PPARG: variants seen among roughly 807,000 people sequenced by gnomAD.
PPARG encodes peroxisome proliferator activated receptor gamma.
In PPARG, 17 loss-of-function variants were observed where a neutral mutation model predicts 39.2. That is an observed-to-expected ratio of 0.43 (90% CI 0.30 to 0.65). The LOEUF is 0.65. PPARG is among the 30% of genes least tolerant of loss of function. The probability of loss-of-function intolerance (pLI) is 0.13; values close to 1 mark genes in which losing one functional copy is unlikely to be tolerated. For missense variants in PPARG, 406 were observed against 585.9 expected (o/e 0.69, Z 3.17); for synonymous variants, 223 against 215.7 (o/e 1.03, Z -0.30).
At chr3:12,315,106 T>C (rs13070963) in intron 2 of PPARG, among the ~76,000 whole-genome samples, 38,381 of 152,124 alleles carry the variant, frequency 0.25, 4,955 homozygotes, top group East Asian at 0.33. Flanking sequence ...ACCAATCTCT[T>C]GCTATCCCCA....
intron 5 of PPARG, among the ~76,000 whole-genome samples, chr3:12,396,627 T>G (rs2050270546): frequency 6.6e-6 from 1 of 151,896 alleles, no homozygotes; most frequent in African/African-American, 2.4e-5. Context: ...GCGTGATGGC[T>G]TGTGCCTGTG....
rs1463427925 is a variant in PPARG, at chr3:12,310,811, A to C, written c.-82-1569A>C. 2.7e-3 allele frequency among the ~76,000 whole-genome samples: 406 copies of C among 149,024 alleles called. 3 individuals are homozygous for C. Among genetic ancestry groups the C allele is most frequent in the African/African-American group, 6.8e-3 (277 of 40,598 alleles). On this transcript the variant is annotated intron_variant, in intron 1 of 7. Coordinates refer to ENST00000651735, the MANE Select transcript of PPARG (RefSeq NM_138711.6). The stretch of plus-strand genomic sequence containing the variant: ...AAATGTAAAAAAAAAAAAAAAAAAA[A>C]AAAAAAAAAAAAACCCAAGTGGTAA...
chr3:12,399,260 A>G (rs766850768), intron 5 of PPARG: 7 of 419,556 alleles, frequency 1.7e-5, no homozygotes, highest in Admixed American at 2.9e-5. Context: ...AAATGTTTAA[A>G]TGTCCTCTAC....
At chr3:12,356,832 G>GTAA in intron 2 of PPARG, among the ~76,000 whole-genome samples, 1 of 152,210 alleles carries the variant, frequency 6.6e-6, no homozygotes, top group Admixed American at 6.5e-5. Flanking sequence ...CCAAGAGTAA[G>GTAA]GCCGACCCAC....
intron 2 of PPARG, among the ~76,000 whole-genome samples, chr3:12,341,166 G>A (rs529101759): frequency 6.8e-4 from 97 of 143,542 alleles, no homozygotes; most frequent in African/African-American, 2.5e-3. Context: ...CTGGGCAACA[G>A]AGCGAGACTC....
intron 2 of PPARG, among the ~76,000 whole-genome samples, chr3:12,323,780 C>T (rs2047614092): frequency 6.6e-6 from 1 of 151,562 alleles, no homozygotes; most frequent in Admixed American, 6.6e-5. Context: ...AAGAGTAAGG[C>T]CATTAGAATG....
intron 4 of PPARG, among the ~76,000 whole-genome samples, chr3:12,391,292 T>G (rs1358073546): frequency 6.6e-6 from 1 of 152,058 alleles, no homozygotes; most frequent in Admixed American, 6.6e-5. Flanking sequence ...AAGTAAATTC[T>G]GTGGTGTGTT....
At chr3:12,308,086 C>T (rs1367317205) in intron 1 of PPARG, among the ~76,000 whole-genome samples, 3 of 151,952 alleles carry the variant, frequency 2.0e-5, no homozygotes, top group East Asian at 1.9e-4. Context: ...AATAGGAGGC[C>T]GTGCACAGTG....
intron 2 of PPARG, among the ~76,000 whole-genome samples, chr3:12,325,400 G>A (rs370174438): frequency 2.2e-4 from 34 of 152,144 alleles, no homozygotes; most frequent in African/African-American, 8.2e-4. Flanking sequence ...TAGCCTGGGC[G>A]ACAAGAGCGA....
At chr3:12,408,546 A>G (rs1449670062) in intron 6 of PPARG, among the ~76,000 whole-genome samples, 1 of 148,584 alleles carries the variant, frequency 6.7e-6, no homozygotes, top group African/African-American at 2.5e-5. Flanking sequence ...AGTTTTGGTT[A>G]GTTTTCTTTT....
intron 7 of PPARG, among the ~76,000 whole-genome samples, chr3:12,421,312 A>G (rs973139846): frequency 2.6e-5 from 4 of 152,200 alleles, no homozygotes; most frequent in African/African-American, 9.6e-5. Flanking sequence ...ATGGTAAACA[A>G]TAACTTCCCT....
intron 2 of PPARG, chr3:12,351,523 G>A: frequency 5.1e-6 from 6 of 1,186,918 alleles, no homozygotes; most frequent in African/African-American, 1.5e-5. Flanking sequence ...TTCTTTTAAC[G>A]GATTGATCTT....
chr3:12,368,223 C>T (rs1157484550), intron 2 of PPARG, among the ~76,000 whole-genome samples: 10 of 140,580 alleles, frequency 7.1e-5, no homozygotes, highest in Non-Finnish European at 1.3e-4. Flanking sequence ...TCTCTGTTGC[C>T]CAGGCTGGAG....
At chr3:12,306,869 C>T (rs1400113992) in intron 1 of PPARG, among the ~76,000 whole-genome samples, 1 of 151,956 alleles carries the variant, frequency 6.6e-6, no homozygotes, top group East Asian at 1.9e-4. Context: ...GAGGCCGAGG[C>T]TGGTGGATCA....
chr3:12,406,514 G>A lies in PPARG; in HGVS notation c.729+433G>A, dbSNP rs534621207. On this transcript the variant is annotated intron_variant, in intron 6 of 7. Coordinates refer to ENST00000651735, the MANE Select transcript of PPARG (RefSeq NM_138711.6). ...AATCCCACTATTTCACCTTTCAGGA[G>A]AACTACCAGAGTTACCTCTTTTTTT... 745 of 125,856 alleles carry A rather than the reference G, an allele frequency of 5.9e-3. 1 individual carries two copies. The highest frequency in any genetic ancestry group is 0.01 in the Non-Finnish European group (567 of 55,316). 7.8% of individuals were successfully genotyped at this position (125,856 alleles called of 1,614,324 possible).
intron 2 of PPARG, among the ~76,000 whole-genome samples, chr3:12,339,816 C>G (rs1186193998): frequency 1.3e-5 from 2 of 152,244 alleles, no homozygotes; most frequent in African/African-American, 4.8e-5. Flanking sequence ...ATCTCTACCT[C>G]CTAATGATTC....
At chr3:12,296,473 C>T (rs1174344197) in intron 1 of PPARG, among the ~76,000 whole-genome samples, 3 of 152,044 alleles carry the variant, frequency 2.0e-5, no homozygotes, top group Non-Finnish European at 4.4e-5. Context: ...TCTTGCACCC[C>T]ACCTGATAGA....
At chr3:12,386,036 A>T (rs192270460) in intron 4 of PPARG, among the ~76,000 whole-genome samples, 2 of 152,336 alleles carry the variant, frequency 1.3e-5, no homozygotes, top group East Asian at 3.9e-4. Flanking sequence ...ATTTTCTCAG[A>T]TGGTGACTGA....
At chr3:12,361,774 G>A (rs570983528) in intron 2 of PPARG, among the ~76,000 whole-genome samples, 7 of 152,254 alleles carry the variant, frequency 4.6e-5, no homozygotes, top group East Asian at 1.9e-4. Context: ...ATCCTCCAGC[G>A]TTGCTCTTCC....
Sources: gnomAD v4.1 joint callset for allele counts (sites outside exome capture counted in the v4.1 genomes callset) on GRCh38, gnomAD v4.1.1 for gene constraint, MANE v1.5 for transcripts, NCBI Gene and HGNC (gene_info 2026-07-23, HGNC 2026-07-21) for gene names.